MFAP3L: variants seen among roughly 807,000 people sequenced by gnomAD.
MFAP3L encodes the protein microfibrillar-associated protein 3-like.
In MFAP3L, 5 loss-of-function variants were observed where a neutral mutation model predicts 20.0. That is an observed-to-expected ratio of 0.25 (90% CI 0.13 to 0.53). MFAP3L has a LOEUF of 0.53. Ranked by LOEUF, MFAP3L falls within the 20% of genes least tolerant of loss-of-function variation. The probability of loss-of-function intolerance (pLI) is 0.96; values close to 1 mark genes in which losing one functional copy is unlikely to be tolerated. For synonymous variants in MFAP3L, 219 were observed against 213.0 expected, an observed-to-expected ratio of 1.03 and a Z score of -0.25; for missense variants, 409 against 527.5, an observed-to-expected ratio of 0.78 and a Z score of 2.20.
intron 1 of MFAP3L, among the ~76,000 whole-genome samples, chr4:170,011,703 C>T (rs576968012): frequency 2.5e-4 from 38 of 152,130 alleles, no homozygotes; most frequent in African/African-American, 6.7e-4. Context: ...TGTCAGAATC[C>T]GGCAGGGGAC....
rs754281347 is a variant in MFAP3L at position 169,992,185 on chromosome 4, G to A, written c.423C>T (p.Arg141=). 1.2e-5 allele frequency: 20 copies of A among 1,614,012 alleles called. No homozygotes were observed. Among genetic ancestry groups the A allele is most frequent in the Admixed American group, 1.7e-5 (1 of 59,994 alleles). ...YGTVNNTVTL[R]VIFTSGDMGV... is the part of the protein sequence containing the mutation. ...CCATGTCTCCAGAAGTGAAGATGAC[G>A]CGCAAGGTCACCGTGTTGTTCACGG... The change falls in exon 3 of 3, where the codon CGC becomes CGT. Residue 141 remains arginine, a synonymous_variant. Coordinates refer to ENST00000361618, the MANE Select transcript of MFAP3L (RefSeq NM_021647.8). This position sits in a 1 kb window ranked among gnomAD's most constrained non-coding sequence, Gnocchi z 4.3.
chr4:170,021,892 T>C (rs905306552), intron 1 of MFAP3L, among the ~76,000 whole-genome samples: 2 of 152,160 alleles, frequency 1.3e-5, no homozygotes, highest in Admixed American at 6.5e-5. Context: ...ATCGCAAACA[T>C]TGGTGATTGA....
At chr4:170,002,642 T>C (rs1738731027) in intron 2 of MFAP3L, among the ~76,000 whole-genome samples, 1 of 151,988 alleles carries the variant, frequency 6.6e-6, no homozygotes, top group South Asian at 2.1e-4. Flanking sequence ...CCTGAGTAGC[T>C]GGGATTACAG....
chr4:169,999,576 TTAG>T (rs1280925446), intron 2 of MFAP3L, among the ~76,000 whole-genome samples: 1 of 152,180 alleles, frequency 6.6e-6, no homozygotes, highest in African/African-American at 2.4e-5. Context: ...CACCCTACAC[TTAG>T]TTCACATTAA....
In MFAP3L at chr4:169,992,065, C is replaced by G; in HGVS notation, c.543G>C (p.Lys181Asn). ...AGAACTCATTGATGGCCTTCTCAGTCTTCTTTAGATGGCTGCTCATCATGC... is the reference window on the plus strand; with the variant it reads ...AGAACTCATTGATGGCCTTCTCAGTGTTCTTTAGATGGCTGCTCATCATGC... ...RLCMMSSHLK[K>N]TEKAINEFFR... The change falls in exon 3 of 3, where the codon AAG becomes AAC. Residue 181 changes from lysine to asparagine, a missense_variant. Physicochemically the swap from Lys to Asn is moderately conservative, Grantham distance 94 (BLOSUM62 0). Coordinates refer to ENST00000361618, the MANE Select transcript of MFAP3L (RefSeq NM_021647.8). The surrounding 1 kb of genome is among the most constrained non-coding windows in gnomAD (Gnocchi z 4.3). 6.2e-7 allele frequency: 1 copy of G among 1,614,188 alleles called. No individual in the cohort carries two copies. The highest frequency in any genetic ancestry group is 8.5e-7 in the Non-Finnish European group (1 of 1,180,040).
intron 2 of MFAP3L, chr4:170,001,893 C>G (rs1326374525): frequency 2.0e-6 from 2 of 982,590 alleles, no homozygotes; most frequent in South Asian, 4.7e-5. Flanking sequence ...AGCTGCTGCT[C>G]CTGCCAATGA....
At chr4:170,018,166 G>A (rs554470639) in intron 1 of MFAP3L, among the ~76,000 whole-genome samples, 2 of 152,320 alleles carry the variant, frequency 1.3e-5, no homozygotes, top group African/African-American at 4.8e-5. Context: ...GAAGGTAACA[G>A]AATGTTCCCT....
chr4:170,025,479 G>A (rs1342690494), intron 1 of MFAP3L, among the ~76,000 whole-genome samples: 2 of 152,148 alleles, frequency 1.3e-5, no homozygotes, highest in Admixed American at 1.3e-4. Context: ...TACAATGTGA[G>A]CAGATAATAC....
chr4:169,997,663 G>A, intron 2 of MFAP3L: 3 of 960,696 alleles, frequency 3.1e-6, no homozygotes, highest in Non-Finnish European at 3.7e-6. Flanking sequence ...TAGTGACATT[G>A]TTGGCAGTGG....
intron 1 of MFAP3L, among the ~76,000 whole-genome samples, chr4:170,015,217 T>C (rs1420501502): frequency 2.0e-5 from 3 of 152,206 alleles, no homozygotes; most frequent in Admixed American, 2.0e-4. Context: ...CTTTCCTCCA[T>C]TTTTTATTTA....
At chr4:170,010,811 G>C (rs543519697) in intron 1 of MFAP3L, among the ~76,000 whole-genome samples, 115 of 151,966 alleles carry the variant, frequency 7.6e-4, no homozygotes, top group Middle Eastern at 3.4e-3. Context: ...TGCATTGCGG[G>C]GGGGTGGGTG....
intron 1 of MFAP3L, among the ~76,000 whole-genome samples, chr4:170,020,725 C>CCA (rs1355002149): frequency 1.3e-5 from 2 of 151,400 alleles, no homozygotes; most frequent in Non-Finnish European, 2.9e-5. Flanking sequence ...CAGTAGTTCC[C>CCA]CACGGCACCA....
rs896562780 is a variant in MFAP3L, at chr4:169,994,394, C to T, written c.299-2085G>A. 6 of 984,862 alleles carry T rather than the reference C, an allele frequency of 6.1e-6. No homozygotes were observed. The African/African-American group carries it at 8.7e-5, about 14-fold the overall frequency. The allele number at this position is 984,862 out of a possible 1,614,324, so 61.0% of individuals were successfully genotyped here. On this transcript the variant is annotated intron_variant, in intron 2 of 2. Coordinates refer to ENST00000361618, the MANE Select transcript of MFAP3L (RefSeq NM_021647.8). Reference sequence around the variant, plus strand: ...AAGAGGAGAACACTAACAAGACAGGCATCTGATGGTAATACCAACAGCTTT... The same window carrying T: ...AAGAGGAGAACACTAACAAGACAGGTATCTGATGGTAATACCAACAGCTTT...
intron 1 of MFAP3L, among the ~76,000 whole-genome samples, chr4:170,019,857 TCAGCA>T (rs1739919175): frequency 6.6e-6 from 1 of 152,220 alleles, no homozygotes; most frequent in African/African-American, 2.4e-5. Context: ...AGAGTCAATT[TCAGCA>T]CAGCCTCTAA....
chr4:170,006,917 A>T (rs1314132054), intron 1 of MFAP3L: 1 of 152,102 alleles, frequency 6.6e-6, no homozygotes, highest in Non-Finnish European at 1.5e-5. Flanking sequence ...ACTCATGTAC[A>T]CCCTGGTTTC....
rs1157133783 is a variant in MFAP3L, at chr4:169,991,235, G to A, written c.*143C>T. ...TTCCAGTCCCATTCACTGCAGGCAGGTGTTTCTCCTTTTAAAGTGGCATCA... is the reference window on the plus strand; with the variant it reads ...TTCCAGTCCCATTCACTGCAGGCAGATGTTTCTCCTTTTAAAGTGGCATCA... On this transcript the variant is annotated 3_prime_UTR_variant, in exon 3 of 3. Coordinates refer to ENST00000361618, the MANE Select transcript of MFAP3L (RefSeq NM_021647.8). This position sits in a 1 kb window ranked among gnomAD's most constrained non-coding sequence, Gnocchi z 4.9. The A allele has an allele frequency of 2.8e-5, 23 of 828,330 alleles. No individual in the cohort carries two copies. Among genetic ancestry groups the A allele is most frequent in the Non-Finnish European group, 3.7e-5 (20 of 534,402 alleles). 51.3% of individuals were successfully genotyped at this position (828,330 alleles called of 1,614,324 possible).
chr4:170,012,936 T>C (rs1368434676), intron 1 of MFAP3L, among the ~76,000 whole-genome samples: 5 of 152,182 alleles, frequency 3.3e-5, no homozygotes, highest in Non-Finnish European at 5.9e-5. Context: ...GTTCGGCCTC[T>C]ACAGAATTTT....
chr4:170,026,399 G>T, upstream of MFAP3L: 1 of 608,188 alleles, frequency 1.6e-6, no homozygotes, highest in Non-Finnish European at 2.1e-6. Flanking sequence ...GCCGGCTGCC[G>T]GGAGCGCGGA....
chr4:169,992,393 G>T lies in MFAP3L; in HGVS notation c.299-84C>A. On this transcript the variant is annotated intron_variant, in intron 2 of 2. Transcript: ENST00000361618. This position sits in a 1 kb window ranked among gnomAD's most constrained non-coding sequence, Gnocchi z 4.3. Reference sequence around the variant, plus strand: ...CTGATACGTTTCTAAGAACATCTATGAACATCTATGAAGAACATCTATGAA... The same window carrying T: ...CTGATACGTTTCTAAGAACATCTATTAACATCTATGAAGAACATCTATGAA... The T allele has an allele frequency of 8.5e-7, 1 of 1,170,762 alleles. No homozygotes were observed. The highest frequency in any genetic ancestry group is 1.5e-5 in the South Asian group (1 of 68,130). The allele number at this position is 1,170,762 out of a possible 1,614,324, so 72.5% of individuals were successfully genotyped here.
Sources: allele counts gnomAD v4.1 joint callset (sites outside exome capture counted in the v4.1 genomes callset), GRCh38; gene constraint gnomAD v4.1.1; non-coding constraint Gnocchi (gnomAD v3.1); transcripts MANE v1.5; gene names NCBI Gene and HGNC (gene_info 2026-07-23, HGNC 2026-07-21).